Variants in KIF1B observed in about 807,000 individuals in gnomAD.
The protein encoded by KIF1B is kinesin family member 1B.
KIF1B carries 76 observed loss-of-function variants against 241.9 expected under a neutral mutation model. The ratio of observed to expected loss-of-function variants is 0.31; its 90% CI spans 0.26 to 0.38. KIF1B has a LOEUF of 0.38. Ranked by LOEUF, KIF1B falls within the 10% of genes least tolerant of loss-of-function variation. KIF1B has a pLI of 1.00. For synonymous variants in KIF1B, 750 were observed against 796.7 expected, an observed-to-expected ratio of 0.94 and a Z score of 0.99; for missense variants, 1,622 against 2,271.4, an observed-to-expected ratio of 0.71 and a Z score of 5.81.
In KIF1B at chr1:10,320,223, A is replaced by T. The variant is rs1299179794; in HGVS notation, c.2209+87A>T. The T allele has an allele frequency of 7.9e-6, 7 of 884,080 alleles. No homozygotes were observed. In the African/African-American group the frequency reaches 9.9e-5, roughly 13 times the overall value. 54.8% of individuals were successfully genotyped at this position (884,080 alleles called of 1,614,324 possible). ...GTCATTTATGCATAATCAAAGCTGG[A>T]TTCCTCTTAGTTGGCCCTATCATTT... On this transcript the variant is annotated intron_variant, in intron 23 of 48. Transcript: ENST00000676179.
chr1:10,254,847 A>G (rs1284927372), intron 2 of KIF1B, among the ~76,000 whole-genome samples: 2 of 138,906 alleles, frequency 1.4e-5, no homozygotes, highest in African/African-American at 2.7e-5. Context: ...ACTCCCCTTC[A>G]GCTAGGGCGA....
intron 1 of KIF1B, among the ~76,000 whole-genome samples, chr1:10,229,472 G>A (rs1230029072): frequency 2.0e-5 from 3 of 152,128 alleles, no homozygotes; most frequent in African/African-American, 7.2e-5. Context: ...CATTCTGGTG[G>A]TAGAGTGAGA....
chr1:10,353,396 A>G (rs1158529270), intron 38 of KIF1B, among the ~76,000 whole-genome samples: 5 of 152,226 alleles, frequency 3.3e-5, no homozygotes, highest in Non-Finnish European at 7.3e-5. Flanking sequence ...GTACATAGCC[A>G]TTCTGCTTTC....
intron 2 of KIF1B, among the ~76,000 whole-genome samples, chr1:10,232,816 C>T (rs908232642): frequency 2.0e-5 from 3 of 152,036 alleles, no homozygotes; most frequent in Non-Finnish European, 4.4e-5. Context: ...CTTGATTTTG[C>T]CAAGATGATC....
Position 10,252,552 on chromosome 1 carries a change from C to T in KIF1B, c.107-3695C>T, listed in dbSNP as rs1458198969. Among the ~76,000 whole-genome samples the T allele has an allele frequency of 2.0e-5, 3 of 151,670 alleles. No individual in the cohort carries two copies. In the East Asian group the frequency reaches 5.8e-4, roughly 30 times the overall value. On this transcript the variant is annotated intron_variant, in intron 2 of 48. Coordinates refer to ENST00000676179, the MANE Select transcript of KIF1B (RefSeq NM_001365951.3). ...TAAGCCCCCTGAGTAGCTGGGAGTG[C>T]AGGCACACACCACCATGCCTAGCTA...
intron 15 of KIF1B, among the ~76,000 whole-genome samples, chr1:10,286,139 A>G (rs563505272): frequency 7.2e-5 from 11 of 152,018 alleles, no homozygotes; most frequent in African/African-American, 2.7e-4. Context: ...TCCCAGGTTC[A>G]AGCAACTCTC....
chr1:10,345,724 C>G (rs1652563717), intron 34 of KIF1B, 121 bp from the exon 35 acceptor site: 3 of 743,338 alleles, frequency 4.0e-6, no homozygotes, highest in Non-Finnish European at 7.2e-6. Flanking sequence ...GCATTGAAAT[C>G]TTTCCTCTGA....
intron 22 of KIF1B, chr1:10,307,358 G>A (rs925114915): frequency 1.1e-6 from 1 of 888,308 alleles, no homozygotes; most frequent in South Asian, 5.2e-5. Context: ...CGCCCAGGCT[G>A]CAGTGCAGTG....
Position 10,374,069 on chromosome 1 carries a change from A to AT in KIF1B, c.4947-245dup, listed in dbSNP as rs970256771. Among the ~76,000 whole-genome samples, 15 of 152,260 alleles carry AT rather than the reference A, an allele frequency of 9.9e-5. No homozygotes were observed. Among genetic ancestry groups the AT allele is most frequent in the African/African-American group, 3.6e-4 (15 of 41,528 alleles). On this transcript the variant is annotated intron_variant, in intron 45 of 48. Transcript: ENST00000676179. The surrounding 1 kb of genome is among the most constrained non-coding windows in gnomAD (Gnocchi z 4.3). The stretch of plus-strand genomic sequence containing the variant: ...AGAGGGCTTTAATATAGGCAGAGAG[A>AT]TTGTGTGACCCAGTGGCCATCAATG...
At position 10,296,651 on chromosome 1, in the gene KIF1B, T is replaced by C; in HGVS notation, c.1847T>C (p.Val616Ala). 6.2e-7 allele frequency: 1 copy of C among 1,613,992 alleles called. No homozygotes were observed. Among genetic ancestry groups the C allele is most frequent in the South Asian group, 1.1e-5 (1 of 91,066 alleles). ...YVNGKRVSQP[V>A]QLRSGNRIIM... Reference sequence around the variant, plus strand: ...AATGGCAAGAGGGTGTCCCAGCCTGTTCAGCTGCGCTCAGGTGAGACTGGG... The same window carrying C: ...AATGGCAAGAGGGTGTCCCAGCCTGCTCAGCTGCGCTCAGGTGAGACTGGG... The change falls in exon 20 of 49, where the codon GTT (valine) becomes GCT (alanine). Residue 616 changes from valine (V) to alanine (A), a missense_variant. Val to Ala is a moderately conservative substitution (Grantham distance 64). This residue lies in a region of KIF1B where 803 missense variants were observed against 1,112.0 expected (regional missense o/e 0.72). Transcript: ENST00000676179.
Position 10,365,467 on chromosome 1 carries a change from A to G in KIF1B, c.4571A>G (p.Lys1524Arg). Residue 1524 changes from lysine to arginine, a missense_variant, in exon 43 of 49, where the codon AAA (lysine) becomes AGA (arginine). Physicochemically the swap from Lys to Arg is conservative, Grantham distance 26. Coordinates refer to ENST00000676179, the MANE Select transcript of KIF1B (RefSeq NM_001365951.3). The surrounding 1 kb of genome is among the most constrained non-coding windows in gnomAD (Gnocchi z 4.0). Reference protein sequence around the residue: ...LRERLGDSIPKSLSDSLSPSL... With the variant: ...LRERLGDSIPRSLSDSLSPSL... ...GAGAGACTTGGTGACAGCATCCCCA[A>G]ATCCCTGAGCGACTCGTTATCCCCC... 1.2e-6 allele frequency: 2 copies of G among 1,614,046 alleles called. No homozygotes were observed. Among genetic ancestry groups the G allele is most frequent in the South Asian group, 1.1e-5 (1 of 91,068 alleles).
chr1:10,277,957 A>G (rs1164450269), intron 12 of KIF1B, 29 bp from the exon 13 acceptor site: 11 of 1,606,442 alleles, frequency 6.8e-6, no homozygotes, highest in Admixed American at 3.3e-5. Context: ...ATGAGAAATG[A>G]CAAGAACAAA....
intron 22 of KIF1B, among the ~76,000 whole-genome samples, chr1:10,309,330 A>G (rs531056516): frequency 6.6e-6 from 1 of 152,230 alleles, no homozygotes; most frequent in East Asian, 1.9e-4. Context: ...TGTCGGAGAA[A>G]CTGTTGGAAA....
chr1:10,290,362 T>G (rs868319991), intron 15 of KIF1B, among the ~76,000 whole-genome samples: 2 of 152,178 alleles, frequency 1.3e-5, no homozygotes, highest in South Asian at 2.1e-4. Flanking sequence ...AGTGTGTGTC[T>G]TCAGATGCGA....
intron 7 of KIF1B, among the ~76,000 whole-genome samples, chr1:10,270,120 C>G (rs1444788832): frequency 7.9e-5 from 12 of 152,052 alleles, no homozygotes; most frequent in Admixed American, 1.3e-4. Flanking sequence ...ATATTTAAAG[C>G]GTAAAATTTG....
rs528976912 is a variant in KIF1B, at chr1:10,338,562, A to G, written c.3422+1029A>G. 2.6e-5 allele frequency among the ~76,000 whole-genome samples: 4 copies of G among 152,378 alleles called. No individual in the cohort carries two copies. In the East Asian group the frequency reaches 7.7e-4, roughly 29 times the overall value. ...TGCTATTATTCTAATCAGGCAACTG[A>G]TACGTTTTATGGAAAACATCTATTT... On this transcript the variant is annotated intron_variant, in intron 31 of 48. Transcript: ENST00000676179.
chr1:10,334,692 G>A (rs1652098192), intron 28 of KIF1B, 54 bp downstream of exon 28: 9 of 1,406,456 alleles, frequency 6.4e-6, no homozygotes, highest in Non-Finnish European at 9.1e-6. Context: ...TAGAGACAAA[G>A]CAGGCTGATT....
chr1:10,266,619 T>C (rs1429671450), intron 5 of KIF1B, among the ~76,000 whole-genome samples: 1 of 152,228 alleles, frequency 6.6e-6, no homozygotes, highest in Admixed American at 6.5e-5. Context: ...TTTTGTCTTC[T>C]CTGCTCTGTA....
At chr1:10,225,800 TG>T (rs1034125279) in intron 1 of KIF1B, among the ~76,000 whole-genome samples, 6 of 152,150 alleles carry the variant, frequency 3.9e-5, no homozygotes, top group Non-Finnish European at 8.8e-5. Flanking sequence ...AGGTGGTTTA[TG>T]TTGCAGAACA....
Sources: gnomAD v4.1 joint callset for allele counts (sites outside exome capture counted in the v4.1 genomes callset) on GRCh38, gnomAD v4.1.1 for gene constraint, gnomAD v4.1.1 regional missense constraint, Gnocchi (gnomAD v3.1) non-coding constraint, MANE v1.5 for transcripts, NCBI Gene and HGNC (gene_info 2026-07-23, HGNC 2026-07-21) for gene names.